LARP4B: variants seen among roughly 807,000 people sequenced by gnomAD.
LARP4B encodes the protein La ribonucleoprotein 4B, also known as la-related protein 4B.
Under a neutral mutation model 89.8 loss-of-function variants are expected in LARP4B, and 12 were observed. That is an observed-to-expected ratio of 0.13 (90% CI 0.09 to 0.22). LARP4B has a LOEUF of 0.22. LARP4B is among the 10% of genes least tolerant of loss of function. LARP4B has a pLI of 1.00. For synonymous variants in LARP4B, 367 were observed against 363.3 expected, an observed-to-expected ratio of 1.01 and a Z score of -0.12; for missense variants, 757 against 947.7, an observed-to-expected ratio of 0.80 and a Z score of 2.64.
intron 15 of LARP4B, 66 bp downstream of exon 15, chr10:817,659 G>C (rs910229628): frequency 5.4e-6 from 8 of 1,474,378 alleles, no homozygotes; most frequent in Non-Finnish European, 7.5e-6. Flanking sequence ...GCTCAGCAAA[G>C]CGCCTGACAC....
At chr10:869,319 G>A (rs1306494616) in intron 3 of LARP4B, among the ~76,000 whole-genome samples, 5 of 152,064 alleles carry the variant, frequency 3.3e-5, no homozygotes, top group Non-Finnish European at 1.5e-5. Context: ...CACTGCCCAC[G>A]AGATAAGATG....
chr10:928,480 T>C (rs893471766), intron 1 of LARP4B, among the ~76,000 whole-genome samples: 4 of 152,206 alleles, frequency 2.6e-5, no homozygotes, highest in Non-Finnish European at 4.4e-5. Context: ...ACATCTACCA[T>C]AGCCTATCAC....
At chr10:891,554 G>A (rs1034014871) in intron 1 of LARP4B, among the ~76,000 whole-genome samples, 1 of 152,034 alleles carries the variant, frequency 6.6e-6, no homozygotes, top group African/African-American at 2.4e-5. Context: ...GTACTATGTG[G>A]GGCAGAGACC....
intron 1 of LARP4B, among the ~76,000 whole-genome samples, chr10:924,908 A>T (rs571370568): frequency 3.8e-4 from 58 of 152,358 alleles, no homozygotes; most frequent in African/African-American, 1.3e-3. Context: ...GCTACCTACC[A>T]GATATTGTTC....
the LARP4B span, chr10:985,324 A>C: frequency 6.6e-6 from 1 of 152,376 alleles, no homozygotes; most frequent in East Asian, 1.9e-4. Flanking sequence ...ATGCATAATT[A>C]ATAATACACA....
intron 1 of LARP4B, among the ~76,000 whole-genome samples, chr10:895,910 A>G (rs866987764): frequency 1.3e-5 from 2 of 152,212 alleles, no homozygotes; most frequent in South Asian, 2.1e-4. Flanking sequence ...CCAGAGTCTC[A>G]GTTTTTTAAA....
chr10:872,748 G>A (rs1463838598), intron 3 of LARP4B, among the ~76,000 whole-genome samples: 2 of 152,184 alleles, frequency 1.3e-5, no homozygotes, highest in Non-Finnish European at 2.9e-5. Context: ...CAACAACCTT[G>A]TCGGCTGCCG....
At chr10:907,473 C>T (rs374426569) in intron 1 of LARP4B, among the ~76,000 whole-genome samples, 23 of 152,066 alleles carry the variant, frequency 1.5e-4, no homozygotes, top group East Asian at 9.7e-4. Context: ...CATGCATGTC[C>T]GTTTAAGTGT....
intron 1 of LARP4B, among the ~76,000 whole-genome samples, chr10:916,068 C>T (rs1836812551): frequency 2.0e-5 from 3 of 152,062 alleles, no homozygotes; most frequent in Admixed American, 6.6e-5. Flanking sequence ...GTATGTGAAG[C>T]TTTGTCAAAT....
At chr10:831,474 G>C (rs996034068) in intron 8 of LARP4B, among the ~76,000 whole-genome samples, 2 of 152,166 alleles carry the variant, frequency 1.3e-5, no homozygotes, top group African/African-American at 4.8e-5. Flanking sequence ...CATGAACAGG[G>C]GAGTTGGCCT....
rs752206443 is a variant in LARP4B, at chr10:829,661, T to C, written c.915+20A>G. On this transcript the variant is annotated intron_variant, in intron 10 of 17. Coordinates refer to ENST00000316157, the MANE Select transcript of LARP4B (RefSeq NM_015155.3). ...CATCAATTTGCAAATAAACAAAGTA[T>C]AACCAATGGTCTTGCTTACCTTAAT... is the stretch of plus-strand genomic sequence containing the variant. The C allele has an allele frequency of 3.7e-6, 6 of 1,611,624 alleles. No homozygotes were observed. The highest frequency in any genetic ancestry group is 3.3e-5 in the South Asian group (3 of 91,060).
At chr10:873,199 G>C (rs756904721) in intron 3 of LARP4B, 7 of 985,242 alleles carry the variant, frequency 7.1e-6, no homozygotes, top group Non-Finnish European at 8.4e-6. Context: ...CTCCACAGAC[G>C]CACCTCACAG....
At chr10:957,154 A>AT in the LARP4B span, among the ~76,000 whole-genome samples, 1 of 151,686 alleles carries the variant, frequency 6.6e-6, no homozygotes, top group Non-Finnish European at 1.5e-5. Flanking sequence ...GAACCCTCTT[A>AT]TTTTTTTACT....
the LARP4B span, among the ~76,000 whole-genome samples, chr10:961,629 G>C: frequency 1.6e-3 from 223 of 138,704 alleles, no homozygotes; most frequent in African/African-American, 6.7e-3. Context: ...ATCTGCTTCT[G>C]ATGAGGCCTC....
chr10:863,776 C>T lies in LARP4B; in HGVS notation c.397G>A (p.Glu133Lys). 2.5e-6 allele frequency: 4 copies of T among 1,613,192 alleles called. No individual in the cohort carries two copies. The highest frequency in any genetic ancestry group is 2.5e-6 in the Non-Finnish European group (3 of 1,179,778). ...DMNALALGPS[E>K]YDSLPENSET... is the part of the protein sequence containing the mutation. ...CTATTTTCAGGCAGAGAGTCATATT[C>T]TGAGGGACCCAGAGCGAGAGCGTTC... The change falls in exon 5 of 18, where the codon GAA (glutamate) becomes AAA (lysine). Residue 133 changes from glutamate to lysine, a missense_variant. Physicochemically the swap from Glu to Lys is moderately conservative, Grantham distance 56. This residue lies in a region of LARP4B where 175 missense variants were observed against 187.0 expected (regional missense o/e 0.94). Transcript: ENST00000316157.
In LARP4B at chr10:829,472, C is replaced by T. The variant is rs1385571084; in HGVS notation, c.1038G>A (p.Met346Ile). 5 of 1,614,118 alleles carry T rather than the reference C, an allele frequency of 3.1e-6. No homozygotes were observed. The highest frequency in any genetic ancestry group is 2.2e-5 in the East Asian group (1 of 44,878). Reference protein sequence around the residue: ...RYATSFYFPPMYSPQQQFPLY... With the variant: ...RYATSFYFPPIYSPQQQFPLY... ...GGGGGAACTGCTGCTGGGGGCTGTA[C>T]ATGGGAGGGAAGTAGAACGACGTCG... is the stretch of plus-strand genomic sequence containing the variant. The change falls in exon 11 of 18, where the codon ATG (methionine) becomes ATA (isoleucine). Residue 346 changes from methionine (M) to isoleucine (I), a missense_variant. Transcript: ENST00000316157.
chr10:838,304 G>A (rs114992692), intron 7 of LARP4B, among the ~76,000 whole-genome samples: 1,658 of 152,248 alleles, frequency 0.011, 10 homozygotes, highest in African/African-American at 0.031. Context: ...CTTCTGCTTC[G>A]TGAAAGGCAA....
At chr10:905,664 AGGAGCTGAGGAGCAAGG>A (rs1836470101) in intron 1 of LARP4B, among the ~76,000 whole-genome samples, 1 of 21,862 alleles carries the variant, frequency 4.6e-5, no homozygotes, top group Non-Finnish European at 1.1e-4. Flanking sequence ...TGGGGAGGGG[AGGAGCTGAGGAGCAAGG>A]GAGGAGCTGA....
chr10:820,223 A>T (rs1376401791), intron 14 of LARP4B: 1 of 152,442 alleles, frequency 6.6e-6, no homozygotes, highest in East Asian at 1.9e-4. Flanking sequence ...CATTTTCCAC[A>T]GGAGAAACTC....
Sources: gnomAD v4.1 joint callset for allele counts (sites outside exome capture counted in the v4.1 genomes callset) on GRCh38, gnomAD v4.1.1 for gene constraint, gnomAD v4.1.1 regional missense constraint, MANE v1.5 for transcripts, NCBI Gene and HGNC (gene_info 2026-07-23, HGNC 2026-07-21) for gene names.